Variants in RAD54L2 observed in about 807,000 individuals in gnomAD.
The protein encoded by RAD54L2 is helicase ARIP4.
In RAD54L2, 27 loss-of-function variants were observed where a neutral mutation model predicts 138.4. The ratio of observed to expected loss-of-function variants is 0.20; its 90% CI spans 0.14 to 0.27. RAD54L2 has a LOEUF of 0.27. RAD54L2 is among the 10% of genes least tolerant of loss of function. The pLI, the probability that RAD54L2 is intolerant of heterozygous loss-of-function variation, is 1.00. For synonymous variants in RAD54L2, 644 were observed against 723.2 expected (o/e 0.89, Z 1.76); for missense variants, 1,396 against 1,890.2 (o/e 0.74, Z 4.85).
At chr3:51,556,473 C>T (rs986535750) in intron 2 of RAD54L2, among the ~76,000 whole-genome samples, 3 of 152,054 alleles carry the variant, frequency 2.0e-5, no homozygotes, top group Admixed American at 2.0e-4. Flanking sequence ...GTCTCAAACT[C>T]CTGTCCTCAA....
chr3:51,627,504 C>T (rs765795338), intron 3 of RAD54L2, 49 bp from the exon 4 acceptor site: 3 of 1,514,940 alleles, frequency 2.0e-6, no homozygotes, highest in African/African-American at 1.4e-5. Flanking sequence ...CATCCAGACT[C>T]ATTCCCCCTC....
At chr3:51,564,756 AT>A (rs967774173) in intron 2 of RAD54L2, among the ~76,000 whole-genome samples, 2 of 152,150 alleles carry the variant, frequency 1.3e-5, no homozygotes, top group African/African-American at 4.8e-5. Context: ...ATCTCTGTTT[AT>A]TTTTTTAATT....
Position 51,663,350 on chromosome 3 carries a change from C to A in RAD54L2, c.4334C>A (p.Ala1445Asp), listed in dbSNP as rs149696747. 3.2e-4 allele frequency: 521 copies of A among 1,613,802 alleles called. 4 individuals are homozygous for A. In the South Asian group the frequency reaches 4.1e-3, roughly 13 times the overall value. ...CCTCCATTTGACTCTCATGAGGTTGCCGAGGTTGGGTTCAGCTCCAATGAT... is the reference window on the plus strand; with the variant it reads ...CCTCCATTTGACTCTCATGAGGTTGACGAGGTTGGGTTCAGCTCCAATGAT... ...QVPPFDSHEV[A>D]EVGFSSNDDE... Residue 1445 changes from alanine (A) to aspartate (D), a missense_variant, in exon 23 of 23, where the codon GCC (alanine) becomes GAC (aspartate). Ala to Asp is a moderately radical substitution (Grantham distance 126). Transcript: ENST00000684192.
In RAD54L2 at chr3:51,635,674, A is replaced by G. The variant is rs775185089; in HGVS notation, c.1224A>G (p.Arg408=). ...GVLLMGYEMY[R]LLTLKKSFAT... is the part of the protein sequence containing the mutation. ...TGCTGATGGGGTACGAGATGTACAGACTCCTCACTCTGAAGAAATCATTTG... is the reference window on the plus strand; with the variant it reads ...TGCTGATGGGGTACGAGATGTACAGGCTCCTCACTCTGAAGAAATCATTTG... The change falls in exon 10 of 23, where the codon AGA becomes AGG. Residue 408 remains arginine, a synonymous_variant. Transcript: ENST00000684192. The G allele has an allele frequency of 6.2e-7, 1 of 1,613,724 alleles. No homozygotes were observed. Among genetic ancestry groups the G allele is most frequent in the Non-Finnish European group, 8.5e-7 (1 of 1,179,824 alleles).
chr3:51,640,913 C>A (rs775315467), intron 14 of RAD54L2, among the ~76,000 whole-genome samples: 1 of 152,166 alleles, frequency 6.6e-6, no homozygotes, highest in African/African-American at 2.4e-5. Flanking sequence ...TGGTGGTAGT[C>A]GTAAGTATGT....
rs1035146619 is a variant in RAD54L2 at position 51,662,239 on chromosome 3, G to T, written c.3410-187G>T. On this transcript the variant is annotated intron_variant, in intron 22 of 22. Coordinates refer to ENST00000684192, the MANE Select transcript of RAD54L2 (RefSeq NM_015106.4). This position sits in a 1 kb window ranked among gnomAD's most constrained non-coding sequence, Gnocchi z 4.6. ...AAAGTTACATGCCTTGTCATAGATA[G>T]ACCTATTTCTGGGATCAAAGAATTT... 1.3e-5 allele frequency among the ~76,000 whole-genome samples: 2 copies of T among 152,164 alleles called. No homozygotes were observed. Among genetic ancestry groups the T allele is most frequent in the African/African-American group, 4.8e-5 (2 of 41,436 alleles).
rs201787280 is a variant in RAD54L2 at position 51,656,072 on chromosome 3, G to A, written c.3128G>A (p.Ser1043Asn). 1 of 1,614,024 alleles carries A rather than the reference G, an allele frequency of 6.2e-7. No individual in the cohort carries two copies. Among genetic ancestry groups the A allele is most frequent in the African/African-American group, 1.3e-5 (1 of 75,068 alleles). Reference sequence around the variant, plus strand: ...CCCCGGCATGTCCCATTGGGAGGAAGTGTAAGCTCTGCCTCCAGCACAAAT... The same window carrying A: ...CCCCGGCATGTCCCATTGGGAGGAAATGTAAGCTCTGCCTCCAGCACAAAT... Reference protein sequence around the residue: ...MMPRHVPLGGSVSSASSTNPS... With the variant: ...MMPRHVPLGGNVSSASSTNPS... Residue 1043 changes from serine to asparagine, a missense_variant, in exon 20 of 23, where the codon AGT (serine) becomes AAT (asparagine). Physicochemically the swap from Ser to Asn is conservative, Grantham distance 46. This residue lies in a region of RAD54L2 where 634 missense variants were observed against 711.2 expected (regional missense o/e 0.89). Coordinates refer to ENST00000684192, the MANE Select transcript of RAD54L2 (RefSeq NM_015106.4).
In RAD54L2 at chr3:51,630,326, C is replaced by T; in HGVS notation, c.536C>T (p.Ala179Val). The T allele has an allele frequency of 2.5e-6, 4 of 1,613,984 alleles. No homozygotes were observed. Among genetic ancestry groups the T allele is most frequent in the Non-Finnish European group, 2.5e-6 (3 of 1,179,886 alleles). The change falls in exon 6 of 23, where the codon GCC becomes GTC. Residue 179 changes from alanine (A) to valine (V), a missense_variant. This residue lies in a region of RAD54L2 where 256 missense variants were observed against 344.6 expected (regional missense o/e 0.74). Coordinates refer to ENST00000684192, the MANE Select transcript of RAD54L2 (RefSeq NM_015106.4). Reference sequence around the variant, plus strand: ...CCCCAACTGCCTCCTCGGGTCTTGGCCCAGGAAGTCATTTGTTTGGACAGT... The same window carrying T: ...CCCCAACTGCCTCCTCGGGTCTTGGTCCAGGAAGTCATTTGTTTGGACAGT... Reference protein sequence around the residue: ...DGPQLPPRVLAQEVICLDSSS... With the variant: ...DGPQLPPRVLVQEVICLDSSS...
intron 16 of RAD54L2, among the ~76,000 whole-genome samples, chr3:51,644,285 AAATC>A (rs1319959398): frequency 1.3e-5 from 2 of 152,144 alleles, no homozygotes; most frequent in Non-Finnish European, 2.9e-5. Flanking sequence ...TCTGTACAAA[AAATC>A]AAACAATTAG....
At position 51,660,018 on chromosome 3, in the gene RAD54L2, A is replaced by G. The variant is rs572606661; in HGVS notation, c.3317-8A>G. The G allele has an allele frequency of 7.7e-6, 12 of 1,566,354 alleles. 1 individual carries two copies. The South Asian group carries it at 9.2e-5, about 12-fold the overall frequency. Reference sequence around the variant, plus strand: ...GCCTCTAACTGTCTTCTTCGTGTCTATTCTTAGGGACGTACATCCGTACCA... The same window carrying G: ...GCCTCTAACTGTCTTCTTCGTGTCTGTTCTTAGGGACGTACATCCGTACCA... On this transcript the variant is annotated splice_polypyrimidine_tract_variant and splice_region_variant and intron_variant, in intron 21 of 22. Transcript: ENST00000684192.
intron 3 of RAD54L2, among the ~76,000 whole-genome samples, chr3:51,604,115 G>T (rs1422892643): frequency 6.6e-6 from 1 of 152,158 alleles, no homozygotes; most frequent in Non-Finnish European, 1.5e-5. Context: ...GGATTTGTTG[G>T]TCAAATGGAT....
At chr3:51,628,989 T>C (rs1159283244) in intron 4 of RAD54L2, among the ~76,000 whole-genome samples, 1 of 152,146 alleles carries the variant, frequency 6.6e-6, no homozygotes, top group Non-Finnish European at 1.5e-5. Context: ...GTGCTGGGAT[T>C]ACAGGCGTGA....
chr3:51,595,306 A>T (rs1255211136), intron 3 of RAD54L2, among the ~76,000 whole-genome samples: 1 of 152,160 alleles, frequency 6.6e-6, no homozygotes. Context: ...GGTAATGAGG[A>T]TTAGAACTGT....
intron 3 of RAD54L2, among the ~76,000 whole-genome samples, chr3:51,612,642 A>G (rs1472377113): frequency 6.6e-6 from 1 of 151,970 alleles, no homozygotes; most frequent in Non-Finnish European, 1.5e-5. Flanking sequence ...TGTTAGTAAC[A>G]GCTAGTCTGT....
chr3:51,664,244 A>G lies in RAD54L2; in HGVS notation c.*824A>G, dbSNP rs1701865876. 6.6e-6 allele frequency: 1 copy of G among 152,152 alleles called. No homozygotes were observed. The highest frequency in any genetic ancestry group is 1.5e-5 in the Non-Finnish European group (1 of 68,042). 9.4% of individuals were successfully genotyped at this position (152,152 alleles called of 1,614,324 possible). A position where few individuals can be genotyped will look rare whatever the true frequency, so the allele number is the denominator to read the frequency against. ...AGAATTTGGGGAAATTCATGAGAGAAAATGGGCATTACCAATCTATGTCTC... is the reference window on the plus strand; with the variant it reads ...AGAATTTGGGGAAATTCATGAGAGAGAATGGGCATTACCAATCTATGTCTC... On this transcript the variant is annotated 3_prime_UTR_variant, in exon 23 of 23. Transcript: ENST00000684192.
intron 12 of RAD54L2, 67 bp from the exon 13 acceptor site, chr3:51,639,352 A>G: frequency 6.4e-7 from 1 of 1,559,400 alleles, no homozygotes; most frequent in Non-Finnish European, 8.7e-7. Context: ...ATGTGTTTCC[A>G]GACTCCCTGG....
Position 51,637,029 on chromosome 3 carries a change from A to AG in RAD54L2, c.1340-126dup. On this transcript the variant is annotated intron_variant, in intron 10 of 22. Transcript: ENST00000684192. The surrounding 1 kb of genome is among the most constrained non-coding windows in gnomAD (Gnocchi z 5.9). ...TTGAATGGCTGGCACCCTCTCACCA[A>AG]GGGGGGCTGACTCTTGCTTTCCTGC... is the stretch of plus-strand genomic sequence containing the variant. The AG allele has an allele frequency of 1.3e-6, 1 of 779,972 alleles. No homozygotes were observed. Among genetic ancestry groups the AG allele is most frequent in the Admixed American group, 2.2e-5 (1 of 44,974 alleles). 48.3% of individuals were successfully genotyped at this position (779,972 alleles called of 1,614,324 possible).
At chr3:51,585,790 G>C (rs34905826) in intron 2 of RAD54L2, among the ~76,000 whole-genome samples, 2,729 of 152,198 alleles carry the variant, frequency 0.018, 49 homozygotes, top group Non-Finnish European at 0.027. Context: ...GTCCTCTTTA[G>C]AGTTCCTTTA....
chr3:51,627,494 C>T, intron 3 of RAD54L2, 59 bp from the exon 4 acceptor site: 1 of 1,478,514 alleles, frequency 6.8e-7, no homozygotes, highest in South Asian at 1.2e-5. Flanking sequence ...GTGTGTCTGT[C>T]ATCCAGACTC....
Sources: gnomAD v4.1 joint callset for allele counts (sites outside exome capture counted in the v4.1 genomes callset) on GRCh38, gnomAD v4.1.1 for gene constraint, gnomAD v4.1.1 regional missense constraint, Gnocchi (gnomAD v3.1) non-coding constraint, MANE v1.5 for transcripts, NCBI Gene and HGNC (gene_info 2026-07-23, HGNC 2026-07-21) for gene names.